The following SLC5A4 variants were observed in gnomAD, a reference collection of about 807,000 sequenced individuals.
SLC5A4 encodes probable glucose sensor protein SLC5A4.
In SLC5A4, 55 loss-of-function variants were observed where a neutral mutation model predicts 70.3. The ratio of observed to expected loss-of-function variants is 0.78; its 90% CI spans 0.63 to 0.98. The LOEUF is 0.98. Ranked by LOEUF, SLC5A4 falls within the 50% of genes least tolerant of loss-of-function variation. SLC5A4 has a pLI of 0.00. For synonymous variants in SLC5A4, 268 were observed against 305.7 expected (o/e 0.88, Z 1.29); for missense variants, 735 against 839.2 (o/e 0.88, Z 1.53).
At chr22:32,305,884 A>G in the SLC5A4 span, among the ~76,000 whole-genome samples, 2 of 139,598 alleles carry the variant, frequency 1.4e-5, no homozygotes, top group African/African-American at 5.5e-5. Flanking sequence ...TGCCAGTGCC[A>G]GATTCAGGGC....
chr22:32,274,412 A>G, the SLC5A4 span, among the ~76,000 whole-genome samples: 1 of 152,164 alleles, frequency 6.6e-6, no homozygotes, highest in Admixed American at 6.5e-5. Context: ...AGTACCCCTC[A>G]TAGTTTGTTG....
chr22:32,231,645 A>G (rs762650224), intron 9 of SLC5A4, among the ~76,000 whole-genome samples: 9 of 152,240 alleles, frequency 5.9e-5, no homozygotes, highest in Non-Finnish European at 1.2e-4. Flanking sequence ...ACGCAGAAAA[A>G]TAACACTTCA....
At chr22:32,271,959 A>G in the SLC5A4 span, 4 of 594,506 alleles carry the variant, frequency 6.7e-6, no homozygotes, top group Non-Finnish European at 1.3e-5. Context: ...TGGCGAGGAG[A>G]AGGCATTTGA....
At chr22:32,238,543 C>A (rs1340379448) in intron 6 of SLC5A4, among the ~76,000 whole-genome samples, 1 of 152,208 alleles carries the variant, frequency 6.6e-6, no homozygotes, top group Non-Finnish European at 1.5e-5. Flanking sequence ...CTCCCGCCAG[C>A]AACCCACTGC....
At chr22:32,333,671 CCT>C in the SLC5A4 span, among the ~76,000 whole-genome samples, 179 of 152,192 alleles carry the variant, frequency 1.2e-3, 1 homozygote, top group African/African-American at 4.2e-3. Context: ...CTGGCCCGCC[CCT>C]GATGCTGGGG....
At chr22:32,303,793 T>G in the SLC5A4 span, among the ~76,000 whole-genome samples, 1 of 152,334 alleles carries the variant, frequency 6.6e-6, no homozygotes, top group South Asian at 2.1e-4. Context: ...GGCCATAAGT[T>G]GTCAACTCCT....
At chr22:32,325,382 A>T in the SLC5A4 span, among the ~76,000 whole-genome samples, 15 of 150,714 alleles carry the variant, frequency 1.0e-4, no homozygotes, top group African/African-American at 3.6e-4. Flanking sequence ...TTGGGGAAAA[A>T]GTGATCGGGA....
the SLC5A4 span, among the ~76,000 whole-genome samples, chr22:32,307,188 G>C: frequency 6.6e-6 from 1 of 152,104 alleles, no homozygotes; most frequent in Non-Finnish European, 1.5e-5. Flanking sequence ...CCCTGCAGCA[G>C]CCCTGGATTT....
the SLC5A4 span, among the ~76,000 whole-genome samples, chr22:32,265,054 C>G: frequency 6.6e-6 from 1 of 152,152 alleles, no homozygotes; most frequent in Non-Finnish European, 1.5e-5. Flanking sequence ...TATTGATGTA[C>G]TACAACTCAG....
At chr22:32,272,925 C>A in the SLC5A4 span, 1 of 530,416 alleles carries the variant, frequency 1.9e-6, no homozygotes. Context: ...TCCGCACCTT[C>A]CGGATGCTGC....
At chr22:32,272,760 G>A in the SLC5A4 span, 3,667 of 510,128 alleles carry the variant, frequency 7.2e-3, 80 homozygotes, top group African/African-American at 0.056. Flanking sequence ...AGCCACTGAG[G>A]GGCTCAGCAA....
intron 5 of SLC5A4, among the ~76,000 whole-genome samples, chr22:32,241,803 G>GTATA (rs71720550): frequency 0.046 from 6,844 of 147,994 alleles, 443 homozygotes; most frequent in African/African-American, 0.14. Flanking sequence ...GTGTGTGTGT[G>GTATA]TATATATATC....
the SLC5A4 span, among the ~76,000 whole-genome samples, chr22:32,331,004 G>C: frequency 7.1e-6 from 1 of 141,368 alleles, no homozygotes. Flanking sequence ...TGGTGTGTGT[G>C]TTGGGGGCTC....
At chr22:32,346,302 AAAGAT>A in the SLC5A4 span, among the ~76,000 whole-genome samples, 6 of 152,220 alleles carry the variant, frequency 3.9e-5, no homozygotes, top group Admixed American at 2.6e-4. Flanking sequence ...AATCTAAAGA[AAAGAT>A]ATTATTGTCG....
At chr22:32,234,809 T>G in intron 8 of SLC5A4, 64 bp downstream of exon 8, 1 of 1,171,698 alleles carries the variant, frequency 8.5e-7, no homozygotes, top group East Asian at 2.3e-5. Context: ...AACAAGCACA[T>G]GCACACATAC....
At chr22:32,235,440 G>A (rs1926005017) in intron 7 of SLC5A4, among the ~76,000 whole-genome samples, 1 of 152,166 alleles carries the variant, frequency 6.6e-6, no homozygotes, top group Non-Finnish European at 1.5e-5. Context: ...TGGAAGGTGA[G>A]CTAACAAAGT....
chr22:32,219,599 C>T (rs143977654), intron 14 of SLC5A4, among the ~76,000 whole-genome samples: 983 of 58,258 alleles, frequency 0.017, 7 homozygotes, highest in Middle Eastern at 0.062. Context: ...TCCAGATTTA[C>T]CGGAAATGAA....
the SLC5A4 span, among the ~76,000 whole-genome samples, chr22:32,353,817 T>G: frequency 3.4e-5 from 5 of 148,534 alleles, no homozygotes; most frequent in African/African-American, 1.2e-4. Flanking sequence ...TAGCCACGAA[T>G]AGTGCCCCCA....
chr22:32,218,849 T>C (rs1403717516), intron 14 of SLC5A4, 124 bp from the exon 15 acceptor site: 15 of 654,410 alleles, frequency 2.3e-5, no homozygotes, highest in Non-Finnish European at 3.7e-5. Flanking sequence ...TTAAGAGGAA[T>C]CCCTGAGAAA....
Sources: gnomAD v4.1 joint callset for allele counts (sites outside exome capture counted in the v4.1 genomes callset) on GRCh38, gnomAD v4.1.1 for gene constraint, MANE v1.5 for transcripts, NCBI Gene and HGNC (gene_info 2026-07-23, HGNC 2026-07-21) for gene names.